COL25A1: variants seen among roughly 807,000 people sequenced by gnomAD.
COL25A1 encodes the protein collagen alpha-1(XXV) chain.
COL25A1 carries 103 observed loss-of-function variants against 128.4 expected under a neutral mutation model. The observed-to-expected ratio is 0.80, with a 90% CI of 0.68 to 0.94. The LOEUF (loss-of-function observed/expected upper bound fraction) is 0.94, where lower values mean the gene tolerates loss of function less well. COL25A1 is among the 40% of genes least tolerant of loss of function. The probability of loss-of-function intolerance (pLI) is 0.00; values close to 1 mark genes in which losing one functional copy is unlikely to be tolerated. For synonymous variants in COL25A1, 279 were observed against 277.2 expected (o/e 1.01, Z -0.06); for missense variants, 745 against 840.0 (o/e 0.89, Z 1.40).
intron 32 of COL25A1, among the ~76,000 whole-genome samples, chr4:108,830,049 T>C (rs1184540923): frequency 6.6e-6 from 1 of 152,218 alleles, no homozygotes; most frequent in Non-Finnish European, 1.5e-5. Context: ...TATAAAATAA[T>C]GTATTTCTTT....
chr4:108,832,869 C>T (rs913222611), intron 31 of COL25A1, among the ~76,000 whole-genome samples: 7 of 151,654 alleles, frequency 4.6e-5, no homozygotes, highest in Non-Finnish European at 7.4e-5. Flanking sequence ...GGCATGGTGA[C>T]GGGTGCCTGC....
chr4:109,228,845 G>A (rs1332902431), intron 3 of COL25A1, among the ~76,000 whole-genome samples: 1 of 152,210 alleles, frequency 6.6e-6, no homozygotes, highest in Non-Finnish European at 1.5e-5. Flanking sequence ...ATTCCAGATA[G>A]TACAGTGGCT....
At chr4:108,969,820 T>C (rs1489584094) in intron 8 of COL25A1, among the ~76,000 whole-genome samples, 2 of 149,454 alleles carry the variant, frequency 1.3e-5, no homozygotes, top group Middle Eastern at 3.4e-3. Context: ...ATGAGTGACA[T>C]AGTTTCCTGG....
intron 3 of COL25A1, among the ~76,000 whole-genome samples, chr4:109,193,717 T>C (rs1775799828): frequency 1.3e-5 from 2 of 152,072 alleles, no homozygotes; most frequent in Non-Finnish European, 2.9e-5. Context: ...GGATGCTGAG[T>C]AGGAGTCCCC....
chr4:108,969,171 T>C (rs1437503394), intron 8 of COL25A1, among the ~76,000 whole-genome samples: 1 of 152,126 alleles, frequency 6.6e-6, no homozygotes, highest in Non-Finnish European at 1.5e-5. Flanking sequence ...GCACTTGGGG[T>C]AAACCTTATT....
chr4:109,249,594 T>G (rs1488886894), intron 3 of COL25A1, among the ~76,000 whole-genome samples: 1 of 141,828 alleles, frequency 7.1e-6, no homozygotes, highest in African/African-American at 3.2e-5. Context: ...TAGCACACTT[T>G]GATTAAGATA....
intron 8 of COL25A1, 69 bp from the exon 9 acceptor site, chr4:108,941,506 GC>G: frequency 9.0e-7 from 1 of 1,109,908 alleles, no homozygotes; most frequent in Non-Finnish European, 1.4e-6. Flanking sequence ...ACATCAGAAG[GC>G]CCCAAGAAAG....
intron 13 of COL25A1, among the ~76,000 whole-genome samples, chr4:108,910,091 T>G (rs1487895118): frequency 6.6e-6 from 1 of 152,196 alleles, no homozygotes; most frequent in East Asian, 1.9e-4. Context: ...TTCCCTTAAG[T>G]TTCCATGACT....
rs1266196135 is a variant in COL25A1 at position 108,811,868 on chromosome 4, A to T, written c.*2059T>A. ...GAAGATGCCATTTTGTATGACTGTC[A>T]TTTGGTTACATAACATAAATGAGAT... is the stretch of plus-strand genomic sequence containing the variant. On this transcript the variant is annotated 3_prime_UTR_variant, in exon 38 of 38. Coordinates refer to ENST00000399132, the MANE Select transcript of COL25A1 (RefSeq NM_198721.4). The T allele has an allele frequency of 6.6e-6, 1 of 152,162 alleles. No homozygotes were observed. 9.4% of individuals were successfully genotyped at this position (152,162 alleles called of 1,614,324 possible).
chr4:108,919,780 A>G (rs1026400782), intron 12 of COL25A1, among the ~76,000 whole-genome samples: 2 of 151,632 alleles, frequency 1.3e-5, no homozygotes, highest in South Asian at 4.2e-4. Context: ...TTTTTTTTTG[A>G]GACCAAGTTT....
intron 3 of COL25A1, among the ~76,000 whole-genome samples, chr4:109,125,182 C>T (rs1768473140): frequency 1.3e-5 from 2 of 152,094 alleles, no homozygotes; most frequent in Admixed American, 6.6e-5. Flanking sequence ...TCTATTACTA[C>T]AATGTGTATG....
intron 13 of COL25A1, among the ~76,000 whole-genome samples, chr4:108,914,500 G>A (rs1578751350): frequency 6.6e-6 from 1 of 152,072 alleles, no homozygotes; most frequent in African/African-American, 2.4e-5. Context: ...AAGAGCTGGG[G>A]ACCTTAGTCC....
intron 6 of COL25A1, among the ~76,000 whole-genome samples, chr4:108,990,702 A>C (rs952475318): frequency 6.6e-6 from 1 of 152,192 alleles, no homozygotes; most frequent in Non-Finnish European, 1.5e-5. Context: ...GGGTGTTTAC[A>C]TGTGCATAAA....
Position 108,884,182 on chromosome 4 carries a change from A to G in COL25A1, c.1016T>C (p.Ile339Thr). ...GLPGLPGLPGIKGEPGFIGPQ... is the reference protein window; with the variant it reads ...GLPGLPGLPGTKGEPGFIGPQ... ...GACTGTCCGTGCAGTATTTACCTTT[A>G]TCCCCGGAAGTCCAGGAAGCCCAGG... Residue 339 changes from isoleucine to threonine, a missense_variant, in exon 19 of 38, where the codon ATA (isoleucine) becomes ACA (threonine). By Grantham distance (89) the Ile-to-Thr change is moderately conservative. Coordinates refer to ENST00000399132, the MANE Select transcript of COL25A1 (RefSeq NM_198721.4). 1.2e-6 allele frequency: 2 copies of G among 1,613,788 alleles called. No individual in the cohort carries two copies. The highest frequency in any genetic ancestry group is 1.7e-6 in the Non-Finnish European group (2 of 1,179,798).
intron 8 of COL25A1, among the ~76,000 whole-genome samples, chr4:108,968,138 A>T (rs1751527017): frequency 1.3e-5 from 2 of 152,198 alleles, no homozygotes; most frequent in South Asian, 4.1e-4. Flanking sequence ...TGGAAATCTA[A>T]CACTCAGTGC....
rs3113686 is a variant in COL25A1 at position 109,065,539 on chromosome 4, C to T, written c.368-15360G>A. Among the ~76,000 whole-genome samples the T allele has an allele frequency of 4.3e-4, 58 of 133,596 alleles. No homozygotes were observed. The East Asian group carries it at 6.2e-3, about 14-fold the overall frequency. The allele number at this position is 133,596 out of a possible 152,430, so 87.6% of individuals were successfully genotyped here. A position where few individuals can be genotyped will look rare whatever the true frequency, so the allele number is the denominator to read the frequency against. On this transcript the variant is annotated intron_variant, in intron 3 of 37. Transcript: ENST00000399132. Reference sequence around the variant, plus strand: ...ATACCTTTTTGGTGCAGCACGCGCGCGCGCGCGTGTGTGTGTGTGTGTGTG... The same window carrying T: ...ATACCTTTTTGGTGCAGCACGCGCGTGCGCGCGTGTGTGTGTGTGTGTGTG...
At chr4:108,833,631 T>C (rs1379502128) in intron 31 of COL25A1, among the ~76,000 whole-genome samples, 2 of 152,246 alleles carry the variant, frequency 1.3e-5, no homozygotes. Flanking sequence ...TTCTTTAGTA[T>C]TCCCATTTCT....
At chr4:108,847,379 G>A (rs577180376) in intron 27 of COL25A1, among the ~76,000 whole-genome samples, 20 of 152,070 alleles carry the variant, frequency 1.3e-4, no homozygotes, top group African/African-American at 4.6e-4. Flanking sequence ...TAAAACCGAT[G>A]GAGAAAAATT....
chr4:109,129,290 C>T (rs887131332), intron 3 of COL25A1, among the ~76,000 whole-genome samples: 5 of 151,914 alleles, frequency 3.3e-5, no homozygotes, highest in East Asian at 1.9e-4. Context: ...CCATCATGCC[C>T]GGCTAATTTT....
Sources: allele counts gnomAD v4.1 joint callset (sites outside exome capture counted in the v4.1 genomes callset), GRCh38; gene constraint gnomAD v4.1.1; transcripts MANE v1.5; gene names NCBI Gene and HGNC (gene_info 2026-07-23, HGNC 2026-07-21).